Variants in CCDC178 observed in about 807,000 individuals in gnomAD.
The protein encoded by CCDC178 is coiled-coil domain containing 178.
A neutral mutation model predicts 117.4 loss-of-function variants in CCDC178; 126 were observed. The ratio of observed to expected loss-of-function variants is 1.07; its 90% CI spans 0.93 to 1.24. The LOEUF (loss-of-function observed/expected upper bound fraction) is 1.24, where lower values mean the gene tolerates loss of function less well. Among genes scored for constraint, CCDC178 ranks in the 50% most tolerant of loss-of-function variants. The pLI, the probability that CCDC178 is intolerant of heterozygous loss-of-function variation, is 0.00. For synonymous variants in CCDC178, 283 were observed against 313.4 expected (o/e 0.90, Z 1.02); for missense variants, 1,030 against 986.9 (o/e 1.04, Z -0.59).
intron 21 of CCDC178, among the ~76,000 whole-genome samples, chr18:33,012,219 T>A (rs1244483880): frequency 6.6e-6 from 1 of 152,214 alleles, no homozygotes; most frequent in African/African-American, 2.4e-5. Context: ...ATTATATTAT[T>A]TTCCTGTATT....
At chr18:33,132,355 A>T (rs2058076185) in intron 20 of CCDC178, among the ~76,000 whole-genome samples, 1 of 151,784 alleles carries the variant, frequency 6.6e-6, no homozygotes, top group Non-Finnish European at 1.5e-5. Flanking sequence ...AAAAGAGGTT[A>T]TGCACTATTG....
At chr18:33,362,546 G>A (rs1163768343) in intron 6 of CCDC178, among the ~76,000 whole-genome samples, 7 of 151,766 alleles carry the variant, frequency 4.6e-5, no homozygotes, top group Admixed American at 4.6e-4. Flanking sequence ...TAAATAAGTA[G>A]GTATTTGTTG....
At chr18:32,998,991 T>C (rs761558111) in intron 21 of CCDC178, among the ~76,000 whole-genome samples, 1 of 152,028 alleles carries the variant, frequency 6.6e-6, no homozygotes, top group Non-Finnish European at 1.5e-5. Context: ...ACAGCTTAGG[T>C]AGCATCTTGG....
At chr18:33,073,525 ATC>A (rs2057147706) in intron 21 of CCDC178, among the ~76,000 whole-genome samples, 8 of 148,252 alleles carry the variant, frequency 5.4e-5, no homozygotes, top group African/African-American at 1.5e-4. Flanking sequence ...CTATCTATCT[ATC>A]TATCTATCTA....
intron 21 of CCDC178, among the ~76,000 whole-genome samples, chr18:33,021,781 A>G (rs1204489368): frequency 6.6e-6 from 1 of 152,058 alleles, no homozygotes; most frequent in Non-Finnish European, 1.5e-5. Context: ...ATCTACTCCT[A>G]TTTGAACTTT....
intron 14 of CCDC178, among the ~76,000 whole-genome samples, chr18:33,263,504 A>G (rs1236443607): frequency 6.6e-6 from 1 of 152,140 alleles, no homozygotes; most frequent in Non-Finnish European, 1.5e-5. Context: ...AATCTATTAT[A>G]TCATGCTGGG....
chr18:33,166,890 T>C (rs1489965811), intron 20 of CCDC178, among the ~76,000 whole-genome samples: 3 of 152,168 alleles, frequency 2.0e-5, no homozygotes, highest in Non-Finnish European at 4.4e-5. Flanking sequence ...GTAATAAGCA[T>C]AGTACCTGAT....
chr18:32,974,579 G>A lies in CCDC178; in HGVS notation c.2491C>T (p.Gln831Ter), dbSNP rs572263200. 6.2e-7 allele frequency: 1 copy of A among 1,613,548 alleles called. No homozygotes were observed. The highest frequency in any genetic ancestry group is 1.1e-5 in the South Asian group (1 of 91,072). ...MRLANFQTDS[Q>*]ESIQKILAVQ... is the part of the protein sequence containing the mutation. ...GCTAATATTTTCTGAATACTCTCCT[G>A]AGAGTCTGTCTGGAAGTTGGCCAGC... Residue 831 changes from glutamine to a stop codon, truncating the protein, a stop_gained, in exon 22 of 23, where the codon CAG (glutamine) becomes TAG (stop). Coordinates refer to ENST00000383096, the MANE Select transcript of CCDC178 (RefSeq NM_001105528.4). LOFTEE classifies it high-confidence loss of function.
chr18:33,382,929 T>C (rs1003942453), intron 5 of CCDC178, among the ~76,000 whole-genome samples: 4 of 152,208 alleles, frequency 2.6e-5, no homozygotes, highest in Admixed American at 2.6e-4. Context: ...TGGCCTGAAA[T>C]TCCCACTGCC....
chr18:33,179,755 G>A (rs1299855480), intron 20 of CCDC178, among the ~76,000 whole-genome samples: 1 of 151,966 alleles, frequency 6.6e-6, no homozygotes, highest in South Asian at 2.1e-4. Context: ...CACCTCTGAT[G>A]AGCCAAGCAG....
intron 3 of CCDC178, among the ~76,000 whole-genome samples, chr18:33,403,406 G>C (rs2063736524): frequency 6.6e-6 from 1 of 151,502 alleles, no homozygotes; most frequent in Non-Finnish European, 1.5e-5. Context: ...GCAAACCCTA[G>C]AGAAGAAGAA....
intron 22 of CCDC178, among the ~76,000 whole-genome samples, chr18:32,946,369 A>G (rs2054347495): frequency 1.3e-5 from 2 of 152,152 alleles, no homozygotes; most frequent in Admixed American, 6.5e-5. Context: ...CTTCATTCTG[A>G]TTGCTTTGAA....
chr18:33,429,488 T>G (rs1204222390), intron 2 of CCDC178, among the ~76,000 whole-genome samples: 1 of 152,082 alleles, frequency 6.6e-6, no homozygotes, highest in Admixed American at 6.5e-5. Context: ...AATGATCACA[T>G]AGCAAAATGT....
intron 21 of CCDC178, among the ~76,000 whole-genome samples, chr18:33,073,539 C>CTA (rs1405106094): frequency 6.7e-6 from 1 of 149,160 alleles, no homozygotes; most frequent in South Asian, 2.1e-4. Flanking sequence ...ATCTATCTAT[C>CTA]TATCTATCTA....
At chr18:33,015,427 T>C (rs952502449) in intron 21 of CCDC178, among the ~76,000 whole-genome samples, 2 of 151,726 alleles carry the variant, frequency 1.3e-5, no homozygotes, top group Admixed American at 1.3e-4. Context: ...TAGCCGGGCG[T>C]GGTGGCAGAT....
At chr18:33,389,035 G>A (rs962570958) in intron 5 of CCDC178, among the ~76,000 whole-genome samples, 5 of 152,054 alleles carry the variant, frequency 3.3e-5, no homozygotes, top group Admixed American at 2.6e-4. Flanking sequence ...GCTAATGCAT[G>A]TTGGGCTTAA....
At chr18:33,290,182 T>A (rs1179745704) in intron 12 of CCDC178, among the ~76,000 whole-genome samples, 1 of 152,184 alleles carries the variant, frequency 6.6e-6, no homozygotes, top group East Asian at 1.9e-4. Flanking sequence ...CTTAGAATTG[T>A]ATGCCCAAAC....
intron 7 of CCDC178, among the ~76,000 whole-genome samples, chr18:33,353,124 C>A (rs1270498792): frequency 6.6e-6 from 1 of 151,804 alleles, no homozygotes; most frequent in Non-Finnish European, 1.5e-5. Flanking sequence ...TATATATCTT[C>A]TTGGTGGAAT....
chr18:33,346,670 C>T (rs955113151), intron 8 of CCDC178, among the ~76,000 whole-genome samples: 1 of 151,772 alleles, frequency 6.6e-6, no homozygotes, highest in Non-Finnish European at 1.5e-5. Context: ...AGGAATAATA[C>T]CATTTTATCT....
Sources: allele counts gnomAD v4.1 joint callset (sites outside exome capture counted in the v4.1 genomes callset), GRCh38; gene constraint gnomAD v4.1.1; transcripts MANE v1.5; gene names NCBI Gene and HGNC (gene_info 2026-07-23, HGNC 2026-07-21).